The following IPO9 variants were observed in gnomAD, a reference collection of about 807,000 sequenced individuals.
The protein encoded by IPO9 is importin-9.
A neutral mutation model predicts 128.6 loss-of-function variants in IPO9; 28 were observed. The ratio of observed to expected loss-of-function variants is 0.22; its 90% CI spans 0.16 to 0.30. The LOEUF (loss-of-function observed/expected upper bound fraction) is 0.30. IPO9 is among the 10% of genes least tolerant of loss of function. IPO9 has a pLI of 1.00. For missense variants in IPO9, 935 were observed against 1,293.9 expected, an observed-to-expected ratio of 0.72 and a Z score of 4.26; for synonymous variants, 455 against 475.8, an observed-to-expected ratio of 0.96 and a Z score of 0.57.
intron 6 of IPO9, 120 bp from the exon 7 acceptor site, chr1:201,854,475 G>A (rs1680291764): frequency 8.0e-7 from 1 of 1,250,160 alleles, no homozygotes; most frequent in East Asian, 2.4e-5. Flanking sequence ...ATTCTCTTCT[G>A]ATCAGGCTTG....
intron 1 of IPO9, among the ~76,000 whole-genome samples, chr1:201,836,178 C>T (rs1238382454): frequency 7.0e-6 from 1 of 142,028 alleles, no homozygotes; most frequent in Non-Finnish European, 1.5e-5. Context: ...AGTCCCCCAA[C>T]ACACACACAC....
chr1:201,847,141 G>C, intron 1 of IPO9, 138 bp from the exon 2 acceptor site: 1 of 670,890 alleles, frequency 1.5e-6, no homozygotes, highest in Middle Eastern at 4.1e-4. Context: ...GGAGGAATCA[G>C]TCTTAGCAGT....
At chr1:201,849,140 A>G (rs899333060) in intron 4 of IPO9, among the ~76,000 whole-genome samples, 2 of 152,268 alleles carry the variant, frequency 1.3e-5, no homozygotes, top group African/African-American at 4.8e-5. Context: ...CAGTATAGCC[A>G]TGTAATCCTG....
Position 201,863,557 on chromosome 1 carries a change from C to G in IPO9, c.1578C>G (p.His526Gln), listed in dbSNP as rs549731118. 61 of 1,604,790 alleles carry G rather than the reference C, an allele frequency of 3.8e-5. 1 individual carries two copies. The African/African-American group carries it at 5.2e-4, about 14-fold the overall frequency. The change falls in exon 14 of 24, where the codon CAC (histidine) becomes CAG (glutamine). Residue 526 changes from histidine (H) to glutamine (Q), a missense_variant. Coordinates refer to ENST00000361565, the MANE Select transcript of IPO9 (RefSeq NM_018085.5). ...QFLQATVSGL[H>Q]ETQPPSVRIS... ...TACAGGCAACAGTTAGTGGTCTTCA[C>G]GAGACACAGCCCCCATCAGTTCGAA...
At chr1:201,859,545 T>C (rs1410654869) in intron 13 of IPO9, among the ~76,000 whole-genome samples, 1 of 152,278 alleles carries the variant, frequency 6.6e-6, no homozygotes, top group East Asian at 1.9e-4. Context: ...CCTCAGGCAT[T>C]CTGTATCAGG....
Position 201,881,857 on chromosome 1 carries a change from A to T in IPO9, c.*5803A>T, listed in dbSNP as rs1287212256. 2 of 152,212 alleles carry T rather than the reference A, an allele frequency of 1.3e-5. No individual in the cohort carries two copies. Among genetic ancestry groups the T allele is most frequent in the Admixed American group, 1.3e-4 (2 of 15,280 alleles). The allele number at this position is 152,212 out of a possible 1,614,324, so 9.4% of individuals were successfully genotyped here. On this transcript the variant is annotated 3_prime_UTR_variant, in exon 24 of 24. Transcript: ENST00000361565. ...TGAACTAAGGTTGTAACTAGAGGGG[A>T]TAGGGTGGAAGAGCTGGATTAGAGA...
At chr1:201,836,143 A>G (rs1473303632) in intron 1 of IPO9, among the ~76,000 whole-genome samples, 2 of 136,932 alleles carry the variant, frequency 1.5e-5, no homozygotes, top group South Asian at 2.4e-4. Context: ...AAAAAAAAAA[A>G]CAGACACCAA....
rs575695233 is a variant in IPO9, at chr1:201,855,837, C to G, written c.1025C>G (p.Ala342Gly). 14 of 1,612,248 alleles carry G rather than the reference C, an allele frequency of 8.7e-6. No individual in the cohort carries two copies. The South Asian group carries it at 8.8e-5, about 10-fold the overall frequency. Residue 342 changes from alanine to glycine, a missense_variant, in exon 10 of 24, where the codon GCT becomes GGT. Physicochemically the swap from Ala to Gly is moderately conservative, Grantham distance 60. This residue lies in a region of IPO9 where 741 missense variants were observed against 1,019.1 expected (regional missense o/e 0.73). Coordinates refer to ENST00000361565, the MANE Select transcript of IPO9 (RefSeq NM_018085.5). The part of the protein sequence containing the change: ...LVFSIFEFVH[A>G]LLENSKFKST... ...TTTAGCATTTTTGAATTTGTCCATG[C>G]TCTACTAGAAAATAGCAAATTCAAA...
chr1:201,860,899 G>A (rs896641796), intron 13 of IPO9, among the ~76,000 whole-genome samples: 3 of 152,220 alleles, frequency 2.0e-5, no homozygotes, highest in Non-Finnish European at 4.4e-5. Flanking sequence ...CGGGCATGGT[G>A]GCTTATGCCT....
At chr1:201,841,415 G>A (rs940281812) in intron 1 of IPO9, among the ~76,000 whole-genome samples, 2 of 152,226 alleles carry the variant, frequency 1.3e-5, no homozygotes, top group Non-Finnish European at 2.9e-5. Context: ...AATAAGGGAA[G>A]AGTAGAATGA....
chr1:201,837,420 C>G (rs1309906365), intron 1 of IPO9, among the ~76,000 whole-genome samples: 3 of 152,184 alleles, frequency 2.0e-5, no homozygotes, highest in African/African-American at 7.2e-5. Flanking sequence ...GCCTGGTCTT[C>G]ATGCTCTAAT....
rs200665930 is a variant in IPO9 at position 201,871,141 on chromosome 1, A to G, written c.2410-20A>G. 1.9e-6 allele frequency: 3 copies of G among 1,608,910 alleles called. No homozygotes were observed. The East Asian group carries it at 6.7e-5, about 36-fold the overall frequency. Reference sequence around the variant, plus strand: ...TCTGAAATTGATTTCCCTGAAGCAAATGTCCTTATTTTCTCCTAGTCCCTG... The same window carrying G: ...TCTGAAATTGATTTCCCTGAAGCAAGTGTCCTTATTTTCTCCTAGTCCCTG... On this transcript the variant is annotated intron_variant, in intron 18 of 23. Transcript: ENST00000361565.
At chr1:201,837,688 G>A (rs966412512) in intron 1 of IPO9, among the ~76,000 whole-genome samples, 4 of 152,142 alleles carry the variant, frequency 2.6e-5, no homozygotes, top group Non-Finnish European at 5.9e-5. Context: ...TGTCCCTGTA[G>A]TAATGATCCA....
chr1:201,870,712 A>G lies in IPO9; in HGVS notation c.2263A>G (p.Thr755Ala). ...QVVSQLLDPRTSEFTAAFVGR... is the reference protein window; with the variant it reads ...QVVSQLLDPRASEFTAAFVGR... The stretch of plus-strand genomic sequence containing the variant: ...GGTGAGCCAGCTCCTGGACCCCCGC[A>G]CCTCAGAGTTCACTGCGGCCTTTGT... Residue 755 changes from threonine (T) to alanine (A), a missense_variant, in exon 18 of 24, where the codon ACC (threonine) becomes GCC (alanine). This residue lies in a region of IPO9 where 741 missense variants were observed against 1,019.1 expected (regional missense o/e 0.73). Transcript: ENST00000361565. The surrounding 1 kb of genome is among the most constrained non-coding windows in gnomAD (Gnocchi z 4.9). The G allele has an allele frequency of 6.2e-7, 1 of 1,614,164 alleles. No individual in the cohort carries two copies. Among genetic ancestry groups the G allele is most frequent in the South Asian group, 1.1e-5 (1 of 91,088 alleles).
Position 201,857,189 on chromosome 1 carries a change from T to C in IPO9, c.1216T>C (p.Leu406=). 1.3e-6 allele frequency: 2 copies of C among 1,592,798 alleles called. No homozygotes were observed. Among genetic ancestry groups the C allele is most frequent in the Non-Finnish European group, 1.7e-6 (2 of 1,160,660 alleles). ...TGTTAGAATAGCAGCTCAAGACTTG[T>C]TGCTGGTAAGTTTACCTTGATACTT... ...YTVRIAAQDL[L]LAVATDFQNE... is the part of the protein sequence containing the mutation. The change falls in exon 11 of 24, where the codon TTG becomes CTG. Residue 406 remains leucine (L), a synonymous_variant. Transcript: ENST00000361565.
chr1:201,857,848 A>G (rs190754151), intron 11 of IPO9, among the ~76,000 whole-genome samples: 4 of 151,838 alleles, frequency 2.6e-5, no homozygotes, highest in South Asian at 2.1e-4. Context: ...ACAAGAATCT[A>G]TAGCACAGAC....
chr1:201,837,053 T>C (rs2102868660), intron 1 of IPO9, among the ~76,000 whole-genome samples: 1 of 152,356 alleles, frequency 6.6e-6, no homozygotes, highest in Middle Eastern at 3.4e-3. Flanking sequence ...CATCTTAAAA[T>C]ACTTGTTGTA....
intron 9 of IPO9, among the ~76,000 whole-genome samples, chr1:201,855,489 G>T (rs1680314308): frequency 6.6e-6 from 1 of 152,154 alleles, no homozygotes; most frequent in Admixed American, 6.5e-5. Context: ...CCCAGATCAT[G>T]AATCTTTCGT....
intron 1 of IPO9, among the ~76,000 whole-genome samples, chr1:201,842,489 T>C (rs1350604118): frequency 6.6e-6 from 1 of 152,096 alleles, no homozygotes; most frequent in Non-Finnish European, 1.5e-5. Context: ...TGCCTAGATA[T>C]TTCCAGTGAC....
Sources: gnomAD v4.1 joint callset for allele counts (sites outside exome capture counted in the v4.1 genomes callset) on GRCh38, gnomAD v4.1.1 for gene constraint, gnomAD v4.1.1 regional missense constraint, Gnocchi (gnomAD v3.1) non-coding constraint, MANE v1.5 for transcripts, NCBI Gene and HGNC (gene_info 2026-07-23, HGNC 2026-07-21) for gene names.